Variants in ZSCAN32 observed in about 807,000 individuals in gnomAD.
ZSCAN32 encodes zinc finger and SCAN domain-containing protein 32.
A neutral mutation model predicts 47.4 loss-of-function variants in ZSCAN32; 52 were observed. The ratio of observed to expected loss-of-function variants is 1.10; its 90% confidence interval spans 0.88 to 1.38. The LOEUF (loss-of-function observed/expected upper bound fraction) is 1.38, where lower values mean the gene tolerates loss of function less well. Ranked by LOEUF, ZSCAN32 falls within the 40% of genes most tolerant of loss-of-function variation. The pLI is 0.00. For missense variants in ZSCAN32, 959 were observed against 846.0 expected (o/e 1.13, Z -1.66); for synonymous variants, 346 against 305.7 (o/e 1.13, Z -1.38).
chr16:3,390,607 A>G, intron 3 of ZSCAN32, 90 bp from the exon 4 acceptor site: 1 of 1,024,166 alleles, frequency 9.8e-7, no homozygotes, highest in East Asian at 2.8e-5. Context: ...GGCCAGCCGC[A>G]TCAGCAGCCC....
chr16:3,392,579 G>A (rs2032841922), intron 3 of ZSCAN32, among the ~76,000 whole-genome samples: 1 of 152,136 alleles, frequency 6.6e-6, no homozygotes, highest in Non-Finnish European at 1.5e-5. Flanking sequence ...TGTAATCCCA[G>A]CACTTTGGGA....
At position 3,397,257 on chromosome 16, in the gene ZSCAN32, G is replaced by C. The variant is rs745829028; in HGVS notation, c.301C>G (p.His101Asp). 8.3e-6 allele frequency: 13 copies of C among 1,566,260 alleles called. No individual in the cohort carries two copies. Among genetic ancestry groups the C allele is most frequent in the South Asian group, 3.5e-5 (3 of 85,306 alleles). The change falls in exon 2 of 7, where the codon CAT becomes GAT. Residue 101 changes from histidine to aspartate, a missense_variant. By Grantham distance (81) the His-to-Asp change is moderately conservative (BLOSUM62 -1). Transcript: ENST00000396852. ...ACAGCTTCCTCGCCGTTTTCTGGAT[G>C]CTGCTCCCTCACCCAGGTCTGGATC... is the stretch of plus-strand genomic sequence containing the variant. Reference protein sequence around the residue: ...EEIQTWVREQHPENGEEAVAL... With the variant: ...EEIQTWVREQDPENGEEAVAL...
chr16:3,398,059 T>C (rs1011460649), intron 1 of ZSCAN32, among the ~76,000 whole-genome samples: 1 of 152,180 alleles, frequency 6.6e-6, no homozygotes, highest in Non-Finnish European at 1.5e-5. Context: ...TGAATGATAA[T>C]AACCCTTCCC....
Position 3,390,430 on chromosome 16 carries a change from C to A in ZSCAN32, c.620G>T (p.Gly207Val). The A allele has an allele frequency of 1.3e-6, 2 of 1,549,250 alleles. No individual in the cohort carries two copies. Among genetic ancestry groups the A allele is most frequent in the Non-Finnish European group, 1.7e-6 (2 of 1,146,426 alleles). The part of the protein sequence containing the change: ...QETGAVVWTA[G>V]SQGPAMRDNR... The stretch of plus-strand genomic sequence containing the variant: ...GCATCAACCACAGCTCACCTGGGAC[C>A]CAGCTGTCCAGACCACAGCACCTGT... The change falls in exon 4 of 7, where the codon GGG (glycine) becomes GTG (valine). Residue 207 changes from glycine (G) to valine (V), a missense_variant. Transcript: ENST00000396852.
In ZSCAN32 at chr16:3,395,271, T is replaced by C. The variant is rs116177419; in HGVS notation, c.367-1457A>G. ...TCTATTACTACTACCCACCTCCACT[T>C]CTTGCTCTCTCCTTCACTTTCATGA... On this transcript the variant is annotated intron_variant, in intron 2 of 6. Coordinates refer to ENST00000396852, the MANE Select transcript of ZSCAN32 (RefSeq NM_001284527.2). Among the ~76,000 whole-genome samples, 627 of 152,308 alleles carry C rather than the reference T, an allele frequency of 4.1e-3. 7 individuals carry two copies. Among genetic ancestry groups the C allele is most frequent in the African/African-American group, 0.014 (602 of 41,566 alleles).
chr16:3,390,619 T>C, intron 3 of ZSCAN32, 102 bp from the exon 4 acceptor site: 1 of 880,040 alleles, frequency 1.1e-6, no homozygotes, highest in Non-Finnish European at 1.7e-6. Context: ...CAGCAGCCCC[T>C]GGCAACCCAT....
At chr16:3,395,731 G>A (rs2033311303) in intron 2 of ZSCAN32, among the ~76,000 whole-genome samples, 1 of 152,118 alleles carries the variant, frequency 6.6e-6, no homozygotes, top group South Asian at 2.1e-4. Flanking sequence ...GGGCACAATG[G>A]TTCACACCTG....
Position 3,383,657 on chromosome 16 carries a change from T to C in ZSCAN32, c.1289A>G (p.Glu430Gly), listed in dbSNP as rs1596441090. 3.1e-6 allele frequency: 5 copies of C among 1,609,150 alleles called. No individual in the cohort carries two copies. The East Asian group carries it at 1.1e-4, about 36-fold the overall frequency. ...TAAAGCCTTGTTTATTTCTACTTCC[T>C]CTGAATCATCCCATTTTAGATTTTC... Reference protein sequence around the residue: ...KKENLKWDDSEEVEINKALQR... With the variant: ...KKENLKWDDSGEVEINKALQR... The change falls in exon 7 of 7, where the codon GAG (glutamate) becomes GGG (glycine). Residue 430 changes from glutamate (E) to glycine (G), a missense_variant. Coordinates refer to ENST00000396852, the MANE Select transcript of ZSCAN32 (RefSeq NM_001284527.2).
intron 3 of ZSCAN32, among the ~76,000 whole-genome samples, chr16:3,391,518 A>G (rs1443840155): frequency 6.6e-6 from 1 of 151,726 alleles, no homozygotes; most frequent in Non-Finnish European, 1.5e-5. Context: ...TCTCTACTAA[A>G]AATACAAAAA....
In ZSCAN32 at chr16:3,383,211, A is replaced by G; in HGVS notation, c.1735T>C (p.Cys579Arg). The change falls in exon 7 of 7, where the codon TGT becomes CGT. Residue 579 changes from cysteine to arginine, a missense_variant. By Grantham distance (180) the Cys-to-Arg change is radical. Coordinates refer to ENST00000396852, the MANE Select transcript of ZSCAN32 (RefSeq NM_001284527.2). The stretch of plus-strand genomic sequence containing the variant: ...TTGAAGCTTTTCCCACATTGCCCAC[A>G]CTGATAGGGCCTCTCCCCTGTGTGA... ...RTHTGERPYQ[C>R]GQCGKSFNQS... 6.2e-7 allele frequency: 1 copy of G among 1,614,176 alleles called. No individual in the cohort carries two copies. Among genetic ancestry groups the G allele is most frequent in the Non-Finnish European group, 8.5e-7 (1 of 1,180,022 alleles).
At position 3,382,946 on chromosome 16, in the gene ZSCAN32, T is replaced by C. The variant is rs1596435270; in HGVS notation, c.2000A>G (p.Glu667Gly). Reference protein sequence around the residue: ...GEKPYRCSHCERGFTKNSALT... With the variant: ...GEKPYRCSHCGRGFTKNSALT... ...GGCAGAGTTCTTAGTGAAGCCTCTCTCACAGTGAGAACACCTGTAAGGCTT... is the reference window on the plus strand; with the variant it reads ...GGCAGAGTTCTTAGTGAAGCCTCTCCCACAGTGAGAACACCTGTAAGGCTT... Residue 667 changes from glutamate to glycine, a missense_variant, in exon 7 of 7, where the codon GAG becomes GGG. Glu to Gly is a moderately conservative substitution (Grantham distance 98, BLOSUM62 -2). Coordinates refer to ENST00000396852, the MANE Select transcript of ZSCAN32 (RefSeq NM_001284527.2). 6.2e-7 allele frequency: 1 copy of C among 1,614,016 alleles called. No homozygotes were observed. The highest frequency in any genetic ancestry group is 8.5e-7 in the Non-Finnish European group (1 of 1,179,942).
intron 1 of ZSCAN32, among the ~76,000 whole-genome samples, chr16:3,398,133 G>C (rs568380443): frequency 3.3e-5 from 5 of 152,190 alleles, no homozygotes; most frequent in Non-Finnish European, 5.9e-5. Context: ...AGAGGGGCCT[G>C]AATTCTGCTA....
At chr16:3,390,252 C>G in intron 4 of ZSCAN32, 119 bp from the exon 5 acceptor site, 1 of 1,449,396 alleles carries the variant, frequency 6.9e-7, no homozygotes, top group Non-Finnish European at 9.2e-7. Flanking sequence ...GGGAGGTCAG[C>G]TCCCAGTGGG....
At chr16:3,395,619 G>T (rs528923562) in intron 2 of ZSCAN32, among the ~76,000 whole-genome samples, 1 of 152,318 alleles carries the variant, frequency 6.6e-6, no homozygotes, top group Admixed American at 6.5e-5. Context: ...TCTCGGGTAT[G>T]TCCTTATAGC....
In ZSCAN32 at chr16:3,383,603, T is replaced by C; in HGVS notation, c.1343A>G (p.His448Arg). The C allele has an allele frequency of 6.2e-7, 1 of 1,613,912 alleles. No individual in the cohort carries two copies. The highest frequency in any genetic ancestry group is 8.5e-7 in the Non-Finnish European group (1 of 1,180,020). ...CTCCAAGCCTTTTTGTAGCTCAGAGTGCCAATAAACTCCTCTGGACTTTCT... is the reference window on the plus strand; with the variant it reads ...CTCCAAGCCTTTTTGTAGCTCAGAGCGCCAATAAACTCCTCTGGACTTTCT... ...LQRKSRGVYW[H>R]SELQKGLESE... The change falls in exon 7 of 7, where the codon CAC becomes CGC. Residue 448 changes from histidine to arginine, a missense_variant. His to Arg is a conservative substitution (Grantham distance 29). Coordinates refer to ENST00000396852, the MANE Select transcript of ZSCAN32 (RefSeq NM_001284527.2).
intron 5 of ZSCAN32, among the ~76,000 whole-genome samples, chr16:3,388,560 T>C (rs2032284733): frequency 6.6e-6 from 1 of 152,240 alleles, no homozygotes; most frequent in African/African-American, 2.4e-5. Flanking sequence ...TGTTCACTGT[T>C]GTATCCCTAA....
intron 6 of ZSCAN32, 173 bp downstream of exon 6, chr16:3,384,286 T>C: frequency 3.4e-6 from 3 of 887,986 alleles, no homozygotes; most frequent in Non-Finnish European, 5.1e-6. Flanking sequence ...ATCAGGGCTG[T>C]AAAATGCAAG....
chr16:3,400,905 GC>G (rs2033848608), intron 1 of ZSCAN32, 39 bp downstream of exon 1: 1 of 152,412 alleles, frequency 6.6e-6, no homozygotes, highest in Non-Finnish European at 1.5e-5. Flanking sequence ...GCAGGGCCCA[GC>G]GGCTAATCCC....
At chr16:3,400,359 C>A (rs1000688036) in intron 1 of ZSCAN32, among the ~76,000 whole-genome samples, 9 of 152,264 alleles carry the variant, frequency 5.9e-5, no homozygotes, top group African/African-American at 2.2e-4. Context: ...GCACCCCTTG[C>A]CTTCATTATG....
Sources: gnomAD v4.1 joint callset for allele counts (sites outside exome capture counted in the v4.1 genomes callset) on GRCh38, gnomAD v4.1.1 for gene constraint, MANE v1.5 for transcripts, NCBI Gene and HGNC (gene_info 2026-07-23, HGNC 2026-07-21) for gene names.